Variants in ZNF385D observed in about 807,000 individuals in gnomAD.
ZNF385D encodes the protein zinc finger protein 385D, also known as zinc finger protein 659.
A neutral mutation model predicts 35.8 loss-of-function variants in ZNF385D; 15 were observed. The observed-to-expected ratio is 0.42, with a 90% CI of 0.28 to 0.64. ZNF385D has a LOEUF of 0.64. Among genes scored for constraint, ZNF385D ranks in the 30% least tolerant of loss-of-function variants. The pLI, the probability that ZNF385D is intolerant of heterozygous loss-of-function variation, is 0.23. For synonymous variants in ZNF385D, 212 were observed against 186.8 expected, an observed-to-expected ratio of 1.13 and a Z score of -1.10; for missense variants, 474 against 494.6, an observed-to-expected ratio of 0.96 and a Z score of 0.39.
intron 1 of ZNF385D, among the ~76,000 whole-genome samples, chr3:21,708,861 G>GCACACACA (rs34469159): frequency 6.7e-6 from 1 of 148,274 alleles, no homozygotes; most frequent in Admixed American, 6.7e-5. Flanking sequence ...GTGTGGGCGT[G>GCACACACA]CACACACACA....
At chr3:21,878,661 T>C (rs1698109816) in intron 3 of ZNF385D, among the ~76,000 whole-genome samples, 1 of 152,094 alleles carries the variant, frequency 6.6e-6, no homozygotes, top group Non-Finnish European at 1.5e-5. Flanking sequence ...CATATTTAAA[T>C]GCTCTCATTG....
intron 2 of ZNF385D, among the ~76,000 whole-genome samples, chr3:21,660,484 C>G (rs2066205218): frequency 6.6e-6 from 1 of 152,140 alleles, no homozygotes; most frequent in South Asian, 2.1e-4. Context: ...GTATCATGCT[C>G]AGTCAGTCCT....
At chr3:21,602,556 T>C (rs371608191) in intron 2 of ZNF385D, among the ~76,000 whole-genome samples, 241 of 133,820 alleles carry the variant, frequency 1.8e-3, no homozygotes, top group South Asian at 2.5e-3. Flanking sequence ...GACGGAGTCT[T>C]GCTCTGTCGC....
At chr3:21,702,985 A>G (rs530291131) in intron 1 of ZNF385D, among the ~76,000 whole-genome samples, 27 of 152,304 alleles carry the variant, frequency 1.8e-4, no homozygotes, top group Non-Finnish European at 3.1e-4. Flanking sequence ...TGAGCCCTCT[A>G]AACTGTTCCA....
At chr3:22,156,307 T>C (rs1249630908) in intron 3 of ZNF385D, among the ~76,000 whole-genome samples, 1 of 152,106 alleles carries the variant, frequency 6.6e-6, no homozygotes, top group African/African-American at 2.4e-5. Context: ...GACACTCTTT[T>C]ACAATGAAGT....
intron 3 of ZNF385D, among the ~76,000 whole-genome samples, chr3:22,031,035 A>C (rs997564330): frequency 2.0e-5 from 3 of 152,200 alleles, no homozygotes; most frequent in African/African-American, 7.2e-5. Flanking sequence ...TCTATGTCTC[A>C]TATCCAGGAC....
chr3:22,188,919 A>G (rs748063956), intron 2 of ZNF385D, among the ~76,000 whole-genome samples: 3 of 152,180 alleles, frequency 2.0e-5, no homozygotes, highest in Non-Finnish European at 4.4e-5. Context: ...AAAAATAAAT[A>G]TCCAAATGGA....
intron 2 of ZNF385D, among the ~76,000 whole-genome samples, chr3:22,195,953 A>G (rs752090151): frequency 1.3e-5 from 2 of 152,094 alleles, no homozygotes; most frequent in Non-Finnish European, 2.9e-5. Context: ...GTTCTCATTT[A>G]TAAGTGTGAC....
At chr3:21,946,845 T>A (rs1334112521) in intron 3 of ZNF385D, among the ~76,000 whole-genome samples, 4 of 152,058 alleles carry the variant, frequency 2.6e-5, no homozygotes, top group African/African-American at 7.2e-5. Flanking sequence ...AAAGTAAAAA[T>A]AAAAACATTA....
intron 4 of ZNF385D, among the ~76,000 whole-genome samples, chr3:21,454,861 G>A (rs903711484): frequency 4.6e-5 from 7 of 151,946 alleles, no homozygotes; most frequent in Admixed American, 1.3e-4. Flanking sequence ...GCCCAAAATC[G>A]CCTTAAGCTG....
rs1400302938 is a variant in ZNF385D at position 21,984,440 on chromosome 3, T to C, written c.325+184377A>G. On this transcript the variant is annotated intron_variant, in intron 3 of 5. Transcript: ENST00000494108. ...AATAGGGAATCCTTTCCCCATTGCTTGTTTTTCTCAGGTTTGTCAAAGATC... is the reference window on the plus strand; with the variant it reads ...AATAGGGAATCCTTTCCCCATTGCTCGTTTTTCTCAGGTTTGTCAAAGATC... Among the ~76,000 whole-genome samples the C allele has an allele frequency of 3.0e-5, 4 of 131,578 alleles. No homozygotes were observed. In the East Asian group the frequency reaches 9.1e-4, roughly 30 times the overall value. 86.3% of individuals were successfully genotyped at this position (131,578 alleles called of 152,430 possible). A position where few individuals can be genotyped will look rare whatever the true frequency, so the allele number is the denominator to read the frequency against.
At chr3:22,104,728 A>G (rs950262260) in intron 3 of ZNF385D, among the ~76,000 whole-genome samples, 1 of 152,172 alleles carries the variant, frequency 6.6e-6, no homozygotes, top group Non-Finnish European at 1.5e-5. Flanking sequence ...GCACTAGCAA[A>G]TAAAGAATTG....
intron 3 of ZNF385D, among the ~76,000 whole-genome samples, chr3:21,856,988 C>T (rs1696751966): frequency 6.6e-6 from 1 of 152,084 alleles, no homozygotes; most frequent in Admixed American, 6.6e-5. Flanking sequence ...TCATGTTTAA[C>T]CATGTTCCAC....
intron 3 of ZNF385D, among the ~76,000 whole-genome samples, chr3:21,545,999 T>C (rs1222636287): frequency 6.6e-6 from 1 of 152,196 alleles, no homozygotes; most frequent in East Asian, 1.9e-4. Context: ...GAAATAATTA[T>C]TCTTGCTGTA....
intron 1 of ZNF385D, among the ~76,000 whole-genome samples, chr3:21,741,251 C>A (rs1015590913): frequency 1.3e-5 from 2 of 152,100 alleles, no homozygotes; most frequent in Non-Finnish European, 2.9e-5. Context: ...GAGAAAAAAA[C>A]CAGATGGGTG....
chr3:22,079,885 T>C (rs574283184), intron 3 of ZNF385D, among the ~76,000 whole-genome samples: 1 of 152,084 alleles, frequency 6.6e-6, no homozygotes, highest in Non-Finnish European at 1.5e-5. Flanking sequence ...TCCTTAGAGA[T>C]TCAAATATGT....
At chr3:22,100,128 A>G (rs1701852174) in intron 3 of ZNF385D, among the ~76,000 whole-genome samples, 1 of 145,742 alleles carries the variant, frequency 6.9e-6, no homozygotes, top group Admixed American at 6.9e-5. Context: ...CAAAACCACA[A>G]TGAGATATCA....
chr3:22,026,174 A>G (rs1026231227), intron 3 of ZNF385D, among the ~76,000 whole-genome samples: 6 of 152,178 alleles, frequency 3.9e-5, no homozygotes, highest in African/African-American at 1.4e-4. Context: ...TACAAACAGA[A>G]AAAAATTCTA....
chr3:21,428,737 A>C (rs1701139634), intron 5 of ZNF385D, among the ~76,000 whole-genome samples: 1 of 152,034 alleles, frequency 6.6e-6, no homozygotes, highest in South Asian at 2.1e-4. Context: ...CTAGGCACTC[A>C]TAAGTCTACT....
Sources: allele counts gnomAD v4.1 joint callset (sites outside exome capture counted in the v4.1 genomes callset), GRCh38; gene constraint gnomAD v4.1.1; transcripts MANE v1.5; gene names NCBI Gene and HGNC (gene_info 2026-07-23, HGNC 2026-07-21).